The following CALN1 variants were observed in gnomAD, a reference collection of about 807,000 sequenced individuals.
CALN1 encodes the protein calneuron 1, also known as calcium-binding protein 8.
A neutral mutation model predicts 30.6 loss-of-function variants in CALN1; 17 were observed. The ratio of observed to expected loss-of-function variants is 0.56; its 90% CI spans 0.38 to 0.83. The LOEUF (loss-of-function observed/expected upper bound fraction) is 0.83, where lower values mean the gene tolerates loss of function less well. CALN1 is among the 40% of genes least tolerant of loss of function. The probability of loss-of-function intolerance (pLI) is 0.00; values close to 1 mark genes in which losing one functional copy is unlikely to be tolerated. For missense variants in CALN1, 291 were observed against 354.9 expected (o/e 0.82, Z 1.45); for synonymous variants, 156 against 131.4 (o/e 1.19, Z -1.28).
chr7:72,241,971 G>A (rs1307246611), intron 3 of CALN1, among the ~76,000 whole-genome samples: 1 of 152,070 alleles, frequency 6.6e-6, no homozygotes, highest in Non-Finnish European at 1.5e-5. Flanking sequence ...TCCATCCTCA[G>A]GACTTTTTCA....
At chr7:72,383,435 C>CT (rs1417948714) in intron 2 of CALN1, among the ~76,000 whole-genome samples, 1 of 152,082 alleles carries the variant, frequency 6.6e-6, no homozygotes, top group Non-Finnish European at 1.5e-5. Context: ...TATTTTTTGA[C>CT]TTTTTAACTA....
intron 3 of CALN1, among the ~76,000 whole-genome samples, chr7:72,196,070 C>T (rs755194812): frequency 2.6e-5 from 4 of 151,298 alleles, no homozygotes; most frequent in Admixed American, 2.0e-4. Flanking sequence ...GGAGATATGG[C>T]GAGATTGGAG....
chr7:72,111,226 A>T (rs1807553877), intron 3 of CALN1, among the ~76,000 whole-genome samples: 1 of 152,150 alleles, frequency 6.6e-6, no homozygotes, highest in South Asian at 2.1e-4. Flanking sequence ...GGTGATAGGA[A>T]CCTGTCCAAC....
At chr7:71,956,160 G>A (rs749254381) in intron 5 of CALN1, among the ~76,000 whole-genome samples, 5 of 152,050 alleles carry the variant, frequency 3.3e-5, no homozygotes, top group African/African-American at 1.2e-4. Context: ...GCTAATTTTT[G>A]TATTTTTAGT....
intron 5 of CALN1, among the ~76,000 whole-genome samples, chr7:71,980,530 T>TG (rs1175973782): frequency 6.6e-6 from 1 of 152,168 alleles, no homozygotes. Context: ...AATGGCATAG[T>TG]GTTCCTCATA....
chr7:72,249,309 A>G (rs916082881), intron 3 of CALN1, among the ~76,000 whole-genome samples: 2 of 152,168 alleles, frequency 1.3e-5, no homozygotes, highest in African/African-American at 4.8e-5. Context: ...GCCCATACAC[A>G]GCTCATGAAA....
At chr7:72,150,947 G>A (rs113952706) in intron 3 of CALN1, among the ~76,000 whole-genome samples, 23 of 152,140 alleles carry the variant, frequency 1.5e-4, no homozygotes, top group African/African-American at 5.3e-4. Context: ...TCATGAGGCT[G>A]TTCACAATGA....
chr7:72,013,267 T>TTC, intron 5 of CALN1, among the ~76,000 whole-genome samples: 1 of 147,844 alleles, frequency 6.8e-6, no homozygotes, highest in Non-Finnish European at 1.5e-5. Context: ...TTTTTTTTTT[T>TTC]TTTTGAGACA....
At chr7:71,910,483 T>C (rs1794370824) in intron 5 of CALN1, among the ~76,000 whole-genome samples, 1 of 152,206 alleles carries the variant, frequency 6.6e-6, no homozygotes, top group African/African-American at 2.4e-5. Flanking sequence ...TTGTTCTGGC[T>C]GTCCTGCATC....
intron 2 of CALN1, among the ~76,000 whole-genome samples, chr7:72,359,992 C>A (rs1319357266): frequency 0.012 from 793 of 67,444 alleles, 23 homozygotes; most frequent in Admixed American, 0.029. Context: ...AAAAAAAAAA[C>A]CAAAGTTGAC....
At chr7:72,227,411 G>A (rs1793764489) in intron 3 of CALN1, among the ~76,000 whole-genome samples, 1 of 151,790 alleles carries the variant, frequency 6.6e-6, no homozygotes, top group Non-Finnish European at 1.5e-5. Flanking sequence ...GTGGTGACGG[G>A]CGCCTGTAAT....
At chr7:72,134,013 A>ATTT (rs922227990) in intron 3 of CALN1, among the ~76,000 whole-genome samples, 7 of 152,212 alleles carry the variant, frequency 4.6e-5, no homozygotes, top group African/African-American at 1.7e-4. Context: ...ATTAAAAGGC[A>ATTT]TTAAAAGGCC....
At chr7:72,472,688 A>C in the CALN1 span, among the ~76,000 whole-genome samples, 3 of 152,188 alleles carry the variant, frequency 2.0e-5, no homozygotes, top group Non-Finnish European at 2.9e-5. Context: ...AGGCTGAGGC[A>C]GGAGAACTGC....
the CALN1 span, among the ~76,000 whole-genome samples, chr7:72,476,845 T>C: frequency 2.9e-4 from 44 of 152,296 alleles, no homozygotes; most frequent in African/African-American, 1.0e-3. Context: ...TCATGTTCTA[T>C]TGCAGGGAAA....
At chr7:72,093,955 CCTCT>C (rs1313109080) in intron 4 of CALN1, among the ~76,000 whole-genome samples, 1 of 152,156 alleles carries the variant, frequency 6.6e-6, no homozygotes, top group Non-Finnish European at 1.5e-5. Flanking sequence ...TCCCTTACGT[CCTCT>C]CTTACAGCTC....
intron 3 of CALN1, among the ~76,000 whole-genome samples, chr7:72,276,438 G>C (rs1020415431): frequency 6.6e-6 from 1 of 152,184 alleles, no homozygotes; most frequent in African/African-American, 2.4e-5. Flanking sequence ...TAAGAAGTGA[G>C]GTCTTTCAGG....
At chr7:71,791,605 AG>A (rs1793390663) in intron 6 of CALN1, among the ~76,000 whole-genome samples, 1 of 152,182 alleles carries the variant, frequency 6.6e-6, no homozygotes, top group South Asian at 2.1e-4. Context: ...ATTGGGTTCT[AG>A]GCTTAGTGCC....
At chr7:71,921,111 A>G (rs1794922597) in intron 5 of CALN1, among the ~76,000 whole-genome samples, 1 of 152,202 alleles carries the variant, frequency 6.6e-6, no homozygotes, top group South Asian at 2.1e-4. Context: ...AGAACAGAAG[A>G]CCAAACACCA....
At chr7:72,305,968 C>T (rs375610975) in intron 2 of CALN1, among the ~76,000 whole-genome samples, 1 of 152,114 alleles carries the variant, frequency 6.6e-6, no homozygotes, top group African/African-American at 2.4e-5. Flanking sequence ...GAGGGACCCA[C>T]CCTCAAGACA....
Sources: allele counts gnomAD v4.1 joint callset (sites outside exome capture counted in the v4.1 genomes callset), GRCh38; gene constraint gnomAD v4.1.1; transcripts MANE v1.5; gene names NCBI Gene and HGNC (gene_info 2026-07-23, HGNC 2026-07-21).